DNM2: variants seen among roughly 807,000 people sequenced by gnomAD.
The protein encoded by DNM2 is dynamin 2, also known as dynamin-2.
In DNM2, 15 loss-of-function variants were observed where a neutral mutation model predicts 99.0. That is an observed-to-expected ratio of 0.15 (90% CI 0.10 to 0.23). The LOEUF is 0.23. DNM2 is among the 10% of genes least tolerant of loss of function. The pLI is 1.00. For missense variants in DNM2, 742 were observed against 1,189.4 expected, an observed-to-expected ratio of 0.62 and a Z score of 5.53; for synonymous variants, 525 against 481.2, an observed-to-expected ratio of 1.09 and a Z score of -1.19.
intron 7 of DNM2, among the ~76,000 whole-genome samples, chr19:10,788,384 A>G (rs548409018): frequency 5.9e-5 from 9 of 152,214 alleles, no homozygotes; most frequent in African/African-American, 2.2e-4. Flanking sequence ...CTGTGGCTGG[A>G]TGGAGTGAGT....
chr19:10,797,584 C>A, intron 10 of DNM2, 66 bp downstream of exon 10: 1 of 1,611,504 alleles, frequency 6.2e-7, no homozygotes, highest in South Asian at 1.1e-5. Context: ...TAGTCTCAAC[C>A]CGAGCATCTG....
chr19:10,721,070 C>T lies in DNM2; in HGVS notation c.161+2667C>T, dbSNP rs1053215076. On this transcript the variant is annotated intron_variant, in intron 1 of 20. Coordinates refer to ENST00000389253, the MANE Select transcript of DNM2 (RefSeq NM_001005361.3). ...TCCCTCTACCCCTTGCCTTTCTCTC[C>T]TGTCTACCATGGTGTCTGGCAGCTG... Among the ~76,000 whole-genome samples the T allele has an allele frequency of 3.9e-5, 6 of 152,220 alleles. No individual in the cohort carries two copies. The South Asian group carries it at 6.2e-4, about 16-fold the overall frequency.
intron 2 of DNM2, among the ~76,000 whole-genome samples, chr19:10,770,070 G>A (rs1261215730): frequency 6.6e-6 from 1 of 152,206 alleles, no homozygotes; most frequent in East Asian, 1.9e-4. Flanking sequence ...ATGCCTACCT[G>A]TCAAGGGACT....
intron 5 of DNM2, among the ~76,000 whole-genome samples, chr19:10,778,056 T>TTTATTA (rs2071216467): frequency 6.6e-6 from 1 of 151,030 alleles, no homozygotes. Flanking sequence ...TATTTATTTA[T>TTTATTA]GAGACGGAGT....
intron 16 of DNM2, among the ~76,000 whole-genome samples, chr19:10,822,673 T>A (rs2073013001): frequency 6.6e-6 from 1 of 151,976 alleles, no homozygotes; most frequent in Admixed American, 6.6e-5. Flanking sequence ...TAATTTTTTG[T>A]ATTTTAGTAT....
intron 5 of DNM2, chr19:10,781,358 C>T (rs77679506): frequency 6.6e-6 from 1 of 152,230 alleles, no homozygotes; most frequent in Non-Finnish European, 1.5e-5. Flanking sequence ...TCGTTTCCCT[C>T]CTCCCTCTTG....
chr19:10,803,713 G>C (rs1357658545), intron 12 of DNM2: 2 of 986,044 alleles, frequency 2.0e-6, no homozygotes, highest in African/African-American at 3.5e-5. Flanking sequence ...GTGTGAACGG[G>C]GTACGCCCTG....
At chr19:10,774,648 A>G (rs2071089370) in intron 3 of DNM2, among the ~76,000 whole-genome samples, 1 of 149,076 alleles carries the variant, frequency 6.7e-6, no homozygotes, top group Non-Finnish European at 1.5e-5. Flanking sequence ...CTGGTCTCGA[A>G]CTCCCGACCT....
intron 6 of DNM2, among the ~76,000 whole-genome samples, chr19:10,784,662 A>G (rs1470153499): frequency 3.3e-5 from 5 of 152,102 alleles, no homozygotes; most frequent in African/African-American, 4.8e-5. Context: ...GGCAGCCCAC[A>G]TAGACGGGGG....
chr19:10,754,410 G>A (rs1369130666), intron 1 of DNM2, among the ~76,000 whole-genome samples: 2 of 150,838 alleles, frequency 1.3e-5, no homozygotes, highest in African/African-American at 2.4e-5. Flanking sequence ...CCTCCACCTC[G>A]CCTGGCTAAT....
chr19:10,789,294 G>A (rs2071671695), intron 7 of DNM2, among the ~76,000 whole-genome samples: 1 of 152,158 alleles, frequency 6.6e-6, no homozygotes, highest in Non-Finnish European at 1.5e-5. Context: ...GCCTAAGGGT[G>A]GACCTGGGCC....
chr19:10,766,921 C>A lies in DNM2; in HGVS notation c.236-5558C>A, dbSNP rs370034721. Among the ~76,000 whole-genome samples the A allele has an allele frequency of 9.2e-5, 14 of 152,260 alleles. No individual in the cohort carries two copies. In the East Asian group the frequency reaches 2.1e-3, roughly 23 times the overall value. ...ACCTCTCTGAGGGGGCCCGGGCTGACCCTCCTCCCAGGGAGCCCTCCTGGC... is the reference window on the plus strand; with the variant it reads ...ACCTCTCTGAGGGGGCCCGGGCTGAACCTCCTCCCAGGGAGCCCTCCTGGC... On this transcript the variant is annotated intron_variant, in intron 2 of 20. Transcript: ENST00000389253.
At chr19:10,723,420 A>G (rs2145667699) in intron 1 of DNM2, among the ~76,000 whole-genome samples, 1 of 152,218 alleles carries the variant, frequency 6.6e-6, no homozygotes, top group Non-Finnish European at 1.5e-5. Context: ...GGCGTGAGCC[A>G]CCGTGCCCGG....
intron 17 of DNM2, chr19:10,824,736 G>A: frequency 2.5e-6 from 1 of 403,326 alleles, no homozygotes; most frequent in East Asian, 5.1e-5. Flanking sequence ...CTCTCCCTGG[G>A]AGGTTGAGGC....
At chr19:10,793,672 A>G (rs1430528508) in intron 7 of DNM2, 48 bp from the exon 8 acceptor site, 2 of 1,614,036 alleles carry the variant, frequency 1.2e-6, no homozygotes, top group African/African-American at 1.3e-5. Flanking sequence ...ATTCCAGAGT[A>G]GTGTGGAAAC....
Position 10,772,074 on chromosome 19 carries a change from A to ATTTAT in DNM2, c.236-402_236-401insATTTT, listed in dbSNP as rs2070999788. Among the ~76,000 whole-genome samples, 1 of 149,522 alleles carries ATTTAT rather than the reference A, an allele frequency of 6.7e-6. No homozygotes were observed. The highest frequency in any genetic ancestry group is 1.5e-5 in the Non-Finnish European group (1 of 67,432). Reference sequence around the variant, plus strand: ...TTTCTTTTTTATTTTATTTTATTTTATTTTATTTATTTTTTTATTTTTTTG... The same window carrying ATTTAT: ...TTTCTTTTTTATTTTATTTTATTTTATTTATTTTTATTTATTTTTTTATTTTTTTG... On this transcript the variant is annotated intron_variant, in intron 2 of 20. Coordinates refer to ENST00000389253, the MANE Select transcript of DNM2 (RefSeq NM_001005361.3). The surrounding 1 kb of genome is among the most constrained non-coding windows in gnomAD (Gnocchi z 4.9).
intron 18 of DNM2, among the ~76,000 whole-genome samples, chr19:10,828,419 C>G (rs1259413541): frequency 1.3e-5 from 2 of 151,272 alleles, no homozygotes; most frequent in African/African-American, 4.9e-5. Flanking sequence ...AACCCTGTCT[C>G]TACTAAAAAT....
chr19:10,772,535 C>T lies in DNM2; in HGVS notation c.292C>T (p.Arg98Trp), dbSNP rs200408053. 6.2e-6 allele frequency: 10 copies of T among 1,614,098 alleles called. No homozygotes were observed. Among genetic ancestry groups the T allele is most frequent in the African/African-American group, 1.3e-5 (1 of 75,012 alleles). The change falls in exon 3 of 21, where the codon CGG becomes TGG. Residue 98 changes from arginine (R) to tryptophan (W), a missense_variant. By Grantham distance (101) the Arg-to-Trp change is moderately radical. Coordinates refer to ENST00000389253, the MANE Select transcript of DNM2 (RefSeq NM_001005361.3). This position sits in a 1 kb window ranked among gnomAD's most constrained non-coding sequence, Gnocchi z 4.9. ...SKKFTDFDEV[R>W]QEIEAETDRV... ...AAAGTTTACAGACTTTGATGAAGTC[C>T]GGCAGGAGATTGAAGCAGAGACCGA...
chr19:10,784,863 G>A (rs1462155894), intron 6 of DNM2, among the ~76,000 whole-genome samples: 1 of 99,648 alleles, frequency 1.0e-5, no homozygotes, highest in African/African-American at 4.0e-5. Flanking sequence ...TCACTCTGTT[G>A]CCCGGGCTGG....
Sources: allele counts gnomAD v4.1 joint callset (sites outside exome capture counted in the v4.1 genomes callset), GRCh38; gene constraint gnomAD v4.1.1; non-coding constraint Gnocchi (gnomAD v3.1); transcripts MANE v1.5; gene names NCBI Gene and HGNC (gene_info 2026-07-23, HGNC 2026-07-21).